SPINK5: variants seen among roughly 807,000 people sequenced by gnomAD.
SPINK5 encodes serine peptidase inhibitor Kazal type 5, also known as serine protease inhibitor Kazal-type 5.
A neutral mutation model predicts 151.8 loss-of-function variants in SPINK5; 125 were observed. The observed-to-expected ratio is 0.82, with a 90% CI of 0.71 to 0.96. SPINK5 has a LOEUF of 0.96. SPINK5 is among the 40% of genes least tolerant of loss of function. The pLI, the probability that SPINK5 is intolerant of heterozygous loss-of-function variation, is 0.00. For missense variants in SPINK5, 1,194 were observed against 1,291.9 expected, an observed-to-expected ratio of 0.92 and a Z score of 1.16; for synonymous variants, 374 against 395.3, an observed-to-expected ratio of 0.95 and a Z score of 0.64.
At chr5:148,086,343 T>C in intron 4 of SPINK5, 62 bp from the exon 5 acceptor site, 1 of 1,591,214 alleles carries the variant, frequency 6.3e-7, no homozygotes, top group Non-Finnish European at 8.5e-7. Flanking sequence ...TTAATCTATT[T>C]ATACATCTAA....
At chr5:148,112,451 G>C (rs1270892803) in intron 19 of SPINK5, among the ~76,000 whole-genome samples, 1 of 152,108 alleles carries the variant, frequency 6.6e-6, no homozygotes, top group Non-Finnish European at 1.5e-5. Flanking sequence ...GAGGCGGGCA[G>C]ATGACGAGGT....
At chr5:148,067,654 T>TA (rs1159780709) in intron 2 of SPINK5, among the ~76,000 whole-genome samples, 3 of 152,194 alleles carry the variant, frequency 2.0e-5, no homozygotes, top group Non-Finnish European at 4.4e-5. Flanking sequence ...ACAAATTTCT[T>TA]AACCTATTAT....
At chr5:148,088,448 AAGG>A in intron 5 of SPINK5, 91 bp from the exon 6 acceptor site, 1 of 1,093,776 alleles carries the variant, frequency 9.1e-7, no homozygotes, top group East Asian at 2.4e-5. Context: ...TTCGGGAGTA[AAGG>A]AGAATGACAA....
Position 148,131,342 on chromosome 5 carries a change from C to T in SPINK5, c.3048C>T (p.Asp1016=), listed in dbSNP as rs1445049857. 3.7e-6 allele frequency: 6 copies of T among 1,613,790 alleles called. No homozygotes were observed. Among genetic ancestry groups the T allele is most frequent in the Admixed American group, 3.3e-5 (2 of 59,998 alleles). The change falls in exon 31 of 33, where the codon GAC becomes GAT. Residue 1016 remains aspartate, a synonymous_variant. Coordinates refer to ENST00000256084, the MANE Select transcript of SPINK5 (RefSeq NM_006846.4). Reference sequence around the variant, plus strand: ...AGGATTTAAAGCCTGTCTGTGGTGACGATGGCCAAACCTACAACAATCCTT... The same window carrying T: ...AGGATTTAAAGCCTGTCTGTGGTGATGATGGCCAAACCTACAACAATCCTT... ...CPKDLKPVCG[D]DGQTYNNPCM...
At chr5:148,101,743 A>G in intron 14 of SPINK5, 38 bp from the exon 15 acceptor site, 1 of 1,613,472 alleles carries the variant, frequency 6.2e-7, no homozygotes. Flanking sequence ...GATTCAGCCT[A>G]TGTTCAACAC....
At position 148,101,867 on chromosome 5, in the gene SPINK5, A is replaced by G. The variant is rs6896303; in HGVS notation, c.1389A>G (p.Gly463=). ...ATGACCCCATCCAGGGCCCAGATGG[A>G]AAAATGCATGGCAACACCTGCTCCA... The part of the protein sequence containing the change: ...RENDPIQGPD[G]KMHGNTCSMC... The change falls in exon 15 of 33, where the codon GGA becomes GGG. Residue 463 remains glycine (G), a synonymous_variant. Coordinates refer to ENST00000256084, the MANE Select transcript of SPINK5 (RefSeq NM_006846.4). 0.51 allele frequency: 820,639 copies of G among 1,613,204 alleles called. 213,636 individuals carry two copies. Among genetic ancestry groups the G allele is most frequent in the Admixed American group, 0.66 (39,459 of 59,948 alleles).
intron 19 of SPINK5, 118 bp downstream of exon 19, chr5:148,112,013 A>T: frequency 6.7e-7 from 1 of 1,493,798 alleles, no homozygotes; most frequent in Non-Finnish European, 9.3e-7. Flanking sequence ...CTGTCTTTGC[A>T]CTGAGTTTGG....
intron 24 of SPINK5, 84 bp downstream of exon 24, chr5:148,119,142 C>G: frequency 7.5e-7 from 1 of 1,325,866 alleles, no homozygotes; most frequent in Non-Finnish European, 1.1e-6. Flanking sequence ...AAGGTGTCAA[C>G]ATGATCAAGC....
At chr5:148,109,114 T>C (rs894565455) in intron 18 of SPINK5, among the ~76,000 whole-genome samples, 1 of 152,206 alleles carries the variant, frequency 6.6e-6, no homozygotes, top group Non-Finnish European at 1.5e-5. Context: ...TAGATTGTTA[T>C]CTTACTGTCT....
chr5:148,102,003 T>C (rs1261616655), intron 15 of SPINK5, 95 bp downstream of exon 15: 1 of 1,566,708 alleles, frequency 6.4e-7, no homozygotes, highest in African/African-American at 1.4e-5. Flanking sequence ...CATTTTCTTC[T>C]TCAGTGTAGC....
In SPINK5 at chr5:148,107,096, G is replaced by C; in HGVS notation, c.1539G>C (p.Glu513Asp). ...ATGGAACACTTATATGCACCAGGGAGCATAATCCTGTCCGTGGCCCAGATG... is the reference window on the plus strand; with the variant it reads ...ATGGAACACTTATATGCACCAGGGACCATAATCCTGTCCGTGGCCCAGATG... The part of the protein sequence containing the change: ...VRNGTLICTR[E>D]HNPVRGPDGK... Residue 513 changes from glutamate (E) to aspartate (D), a missense_variant, in exon 17 of 33, where the codon GAG becomes GAC. By Grantham distance (45) the Glu-to-Asp change is conservative. Coordinates refer to ENST00000256084, the MANE Select transcript of SPINK5 (RefSeq NM_006846.4). 2 of 1,613,382 alleles carry C rather than the reference G, an allele frequency of 1.2e-6. No homozygotes were observed. Among genetic ancestry groups the C allele is most frequent in the Non-Finnish European group, 1.7e-6 (2 of 1,179,540 alleles).
intron 22 of SPINK5, among the ~76,000 whole-genome samples, 178 bp downstream of exon 22, chr5:148,116,644 T>A (rs1241578528): frequency 6.6e-6 from 1 of 152,214 alleles, no homozygotes; most frequent in African/African-American, 2.4e-5. Flanking sequence ...TGGGGTTCAT[T>A]TGGATTTCTT....
intron 2 of SPINK5, among the ~76,000 whole-genome samples, chr5:148,067,817 A>G (rs559668893): frequency 6.6e-6 from 1 of 152,168 alleles, no homozygotes; most frequent in Admixed American, 6.5e-5. Flanking sequence ...GTCTCATTAT[A>G]TTTCCCAGGA....
At chr5:148,094,921 A>G (rs529368771) in intron 9 of SPINK5, among the ~76,000 whole-genome samples, 6 of 151,966 alleles carry the variant, frequency 3.9e-5, no homozygotes, top group Non-Finnish European at 8.8e-5. Context: ...TATCTGGGAC[A>G]TATGACCTTG....
At chr5:148,083,861 C>G (rs964539932) in intron 4 of SPINK5, among the ~76,000 whole-genome samples, 1 of 151,472 alleles carries the variant, frequency 6.6e-6, no homozygotes, top group Non-Finnish European at 1.5e-5. Context: ...ATTTCCATTG[C>G]CTTCTAGGAG....
Position 148,094,482 on chromosome 5 carries a change from G to C in SPINK5, c.794+1G>C. On this transcript the variant is annotated splice_donor_variant, in intron 9 of 32. Coordinates refer to ENST00000256084, the MANE Select transcript of SPINK5 (RefSeq NM_006846.4). LOFTEE classifies it high-confidence loss of function. ...AATGTGCCCTGTGTGCTGAAATTTTGTGAGTATAGAAGTGGTTTTTTCAGA... is the reference window on the plus strand; with the variant it reads ...AATGTGCCCTGTGTGCTGAAATTTTCTGAGTATAGAAGTGGTTTTTTCAGA... The C allele has an allele frequency of 6.2e-7, 1 of 1,612,326 alleles. No homozygotes were observed. The highest frequency in any genetic ancestry group is 1.1e-5 in the South Asian group (1 of 91,068).
chr5:148,065,643 A>G (rs1464372829), intron 2 of SPINK5, among the ~76,000 whole-genome samples: 3 of 152,168 alleles, frequency 2.0e-5, no homozygotes, highest in Admixed American at 6.6e-5. Flanking sequence ...TTAAAATTTC[A>G]TAAACAAAAA....
Position 148,101,798 on chromosome 5 carries a change from C to A in SPINK5, c.1320C>A (p.Tyr440Ter), listed in dbSNP as rs1347008793. Residue 440 changes from tyrosine (Y) to a stop codon, truncating the protein, a stop_gained, in exon 15 of 33, where the codon TAC becomes TAA. Coordinates refer to ENST00000256084, the MANE Select transcript of SPINK5 (RefSeq NM_006846.4). LOFTEE classifies it high-confidence loss of function. ...TTTCACAGGAGTTGTGTAGTGAATA[C>A]CGCAAATCCAGGAAAAACGGACGGC... ...TASFEELCSE[Y>*]RKSRKNGRLF... 5 of 1,613,630 alleles carry A rather than the reference C, an allele frequency of 3.1e-6. No homozygotes were observed. The highest frequency in any genetic ancestry group is 4.2e-6 in the Non-Finnish European group (5 of 1,179,754).
chr5:148,118,863 G>C, intron 23 of SPINK5, 123 bp from the exon 24 acceptor site: 1 of 1,038,754 alleles, frequency 9.6e-7, no homozygotes. Context: ...ACGGCCATTT[G>C]GAATCATTGA....
Sources: gnomAD v4.1 joint callset for allele counts (sites outside exome capture counted in the v4.1 genomes callset) on GRCh38, gnomAD v4.1.1 for gene constraint, MANE v1.5 for transcripts, NCBI Gene and HGNC (gene_info 2026-07-23, HGNC 2026-07-21) for gene names.